Variants in ZNF804B observed in about 807,000 individuals in gnomAD.
ZNF804B encodes zinc finger 804B.
A neutral mutation model predicts 101.4 loss-of-function variants in ZNF804B; 80 were observed. That is an observed-to-expected ratio of 0.79 (90% CI 0.66 to 0.95). ZNF804B has a LOEUF of 0.95. ZNF804B is among the 40% of genes least tolerant of loss of function. ZNF804B has a pLI of 0.00. For synonymous variants in ZNF804B, 622 were observed against 558.8 expected, an observed-to-expected ratio of 1.11 and a Z score of -1.59; for missense variants, 1,673 against 1,561.9, an observed-to-expected ratio of 1.07 and a Z score of -1.20.
At chr7:88,869,888 A>G (rs1791788513) in intron 1 of ZNF804B, among the ~76,000 whole-genome samples, 2 of 152,228 alleles carry the variant, frequency 1.3e-5, no homozygotes, top group South Asian at 4.1e-4. Flanking sequence ...TTTCCCTTGC[A>G]TTTGGAAGAT....
At chr7:88,766,003 CA>C (rs1378023675) in intron 1 of ZNF804B, among the ~76,000 whole-genome samples, 1 of 152,078 alleles carries the variant, frequency 6.6e-6, no homozygotes, top group Non-Finnish European at 1.5e-5. Context: ...TAAAAAAACA[CA>C]AAAGAGTATT....
At chr7:89,236,464 A>G (rs192158275) in intron 2 of ZNF804B, among the ~76,000 whole-genome samples, 1 of 152,174 alleles carries the variant, frequency 6.6e-6, no homozygotes, top group East Asian at 1.9e-4. Context: ...TGGACAGCAA[A>G]GTTCCATTCA....
intron 1 of ZNF804B, among the ~76,000 whole-genome samples, chr7:89,117,462 G>C (rs529908948): frequency 1.6e-3 from 241 of 152,174 alleles, no homozygotes; most frequent in African/African-American, 5.5e-3. Flanking sequence ...CCTGCATTCT[G>C]TGTTGCTATG....
chr7:88,967,716 CAAAAAA>C (rs3034332), intron 1 of ZNF804B, among the ~76,000 whole-genome samples: 74 of 125,392 alleles, frequency 5.9e-4, no homozygotes, highest in South Asian at 1.0e-3. Flanking sequence ...ATTGAAAAAG[CAAAAAA>C]AAAAAAAAAA....
chr7:89,284,518 C>T lies in ZNF804B; in HGVS notation c.250-42826C>T, dbSNP rs1790151792. 2.0e-5 allele frequency among the ~76,000 whole-genome samples: 3 copies of T among 152,146 alleles called. No homozygotes were observed. In the South Asian group the frequency reaches 6.2e-4, roughly 32 times the overall value. On this transcript the variant is annotated intron_variant, in intron 2 of 3. Coordinates refer to ENST00000333190, the MANE Select transcript of ZNF804B (RefSeq NM_181646.5). ...ACTATTTGATGATAAATGAACACAGCATAAGGACCGCTGTAAAAAAAGAAA... is the reference window on the plus strand; with the variant it reads ...ACTATTTGATGATAAATGAACACAGTATAAGGACCGCTGTAAAAAAAGAAA...
chr7:89,232,883 T>C (rs1053577874), intron 2 of ZNF804B, among the ~76,000 whole-genome samples: 31 of 152,198 alleles, frequency 2.0e-4, no homozygotes, highest in African/African-American at 7.5e-4. Context: ...TTGATATGTA[T>C]AATATACTTT....
chr7:88,845,147 C>T (rs1406189719), intron 1 of ZNF804B, among the ~76,000 whole-genome samples: 5 of 152,204 alleles, frequency 3.3e-5, no homozygotes, highest in Admixed American at 6.5e-5. Context: ...GTAGCAATAG[C>T]TCTTGCCTTA....
Position 89,335,180 on chromosome 7 carries a change from G to A in ZNF804B, c.2198G>A (p.Gly733Asp), listed in dbSNP as rs755905247. ...RSTCSSHRFN[G>D]NSRGNLLCFH... ...ACTTGTTCAAGTCATAGATTCAATG[G>A]TAATAGCAGAGGTAATTTGCTCTGC... The change falls in exon 4 of 4, where the codon GGT becomes GAT. Residue 733 changes from glycine to aspartate, a missense_variant. Physicochemically the swap from Gly to Asp is moderately conservative, Grantham distance 94. Coordinates refer to ENST00000333190, the MANE Select transcript of ZNF804B (RefSeq NM_181646.5). The A allele has an allele frequency of 7.4e-6, 12 of 1,613,816 alleles. No individual in the cohort carries two copies. In the East Asian group the frequency reaches 1.8e-4, roughly 24 times the overall value.
At chr7:89,242,040 T>G (rs1789380180) in intron 2 of ZNF804B, among the ~76,000 whole-genome samples, 1 of 151,980 alleles carries the variant, frequency 6.6e-6, no homozygotes, top group East Asian at 1.9e-4. Context: ...CCAAAGCTTT[T>G]AGTTACTTTT....
At chr7:89,136,239 G>A (rs1437451398) in intron 1 of ZNF804B, among the ~76,000 whole-genome samples, 1 of 152,010 alleles carries the variant, frequency 6.6e-6, no homozygotes, top group African/African-American at 2.4e-5. Flanking sequence ...TTTGTGTTGT[G>A]TGCAGCCTAA....
chr7:89,336,577 C>G lies in ZNF804B; in HGVS notation c.3595C>G (p.Pro1199Ala). The change falls in exon 4 of 4, where the codon CCA becomes GCA. Residue 1199 changes from proline to alanine, a missense_variant. Pro to Ala is a conservative substitution (Grantham distance 27). Transcript: ENST00000333190. ...TCCGGCCTCAACCGTACAGACAGTT[C>G]CAGTTCACCAGCACACTTCTATCAC... ...FSPASTVQTV[P>A]VHQHTSITTI... 1 of 1,614,126 alleles carries G rather than the reference C, an allele frequency of 6.2e-7. No individual in the cohort carries two copies. The highest frequency in any genetic ancestry group is 8.5e-7 in the Non-Finnish European group (1 of 1,180,012).
At chr7:89,287,148 A>T (rs1278287485) in intron 2 of ZNF804B, among the ~76,000 whole-genome samples, 1 of 152,164 alleles carries the variant, frequency 6.6e-6, no homozygotes, top group Non-Finnish European at 1.5e-5. Flanking sequence ...ACTATATATG[A>T]CATACAAAAT....
At chr7:89,176,587 CTTTCT>C (rs1299628805) in intron 1 of ZNF804B, among the ~76,000 whole-genome samples, 5 of 53,992 alleles carry the variant, frequency 9.3e-5, no homozygotes, top group Non-Finnish European at 1.8e-4. Context: ...TTCTTTCTTT[CTTTCT>C]TTTTTTTTTT....
chr7:88,780,779 A>G (rs1277800024), intron 1 of ZNF804B, among the ~76,000 whole-genome samples: 1 of 152,184 alleles, frequency 6.6e-6, no homozygotes, highest in Non-Finnish European at 1.5e-5. Flanking sequence ...TTCAAAAGTG[A>G]AGCAAATACT....
intron 1 of ZNF804B, among the ~76,000 whole-genome samples, chr7:89,045,508 A>T (rs368584988): frequency 5.3e-5 from 8 of 152,290 alleles, no homozygotes; most frequent in African/African-American, 1.9e-4. Context: ...CTGGAGGGGG[A>T]CCATGTCCTG....
intron 1 of ZNF804B, among the ~76,000 whole-genome samples, chr7:88,911,897 A>G (rs1792555599): frequency 6.6e-6 from 1 of 151,816 alleles, no homozygotes; most frequent in South Asian, 2.1e-4. Flanking sequence ...ATATGTGTAT[A>G]TCTAGTATCT....
intron 2 of ZNF804B, among the ~76,000 whole-genome samples, chr7:89,281,863 C>T (rs552170060): frequency 1.3e-4 from 20 of 152,128 alleles, no homozygotes; most frequent in Middle Eastern, 3.4e-3. Context: ...AAATATAATC[C>T]ACTCAGACAG....
At chr7:89,309,382 G>A (rs760506182) in intron 2 of ZNF804B, among the ~76,000 whole-genome samples, 3 of 152,234 alleles carry the variant, frequency 2.0e-5, no homozygotes, top group South Asian at 4.1e-4. Context: ...AGGATGTAGA[G>A]TAAAATGATC....
intron 2 of ZNF804B, among the ~76,000 whole-genome samples, chr7:89,278,845 G>T (rs937205280): frequency 6.6e-6 from 1 of 151,740 alleles, no homozygotes; most frequent in Non-Finnish European, 1.5e-5. Flanking sequence ...CTCTTTTTTG[G>T]TTCCATATGA....
Sources: gnomAD v4.1 joint callset for allele counts (sites outside exome capture counted in the v4.1 genomes callset) on GRCh38, gnomAD v4.1.1 for gene constraint, MANE v1.5 for transcripts, NCBI Gene and HGNC (gene_info 2026-07-23, HGNC 2026-07-21) for gene names.